Variants in RAPGEF4 observed in about 807,000 individuals in gnomAD.
RAPGEF4 encodes the protein Rap guanine nucleotide exchange factor 4.
A neutral mutation model predicts 147.9 loss-of-function variants in RAPGEF4; 66 were observed. That is an observed-to-expected ratio of 0.45 (90% CI 0.37 to 0.55). The LOEUF (loss-of-function observed/expected upper bound fraction) is 0.55. Among genes scored for constraint, RAPGEF4 ranks in the 20% least tolerant of loss-of-function variants. The pLI is 0.00. For missense variants in RAPGEF4, 1,071 were observed against 1,257.3 expected, an observed-to-expected ratio of 0.85 and a Z score of 2.24; for synonymous variants, 419 against 442.7, an observed-to-expected ratio of 0.95 and a Z score of 0.67.
chr2:172,934,502 C>A (rs1456108902), intron 6 of RAPGEF4, among the ~76,000 whole-genome samples: 2 of 152,060 alleles, frequency 1.3e-5, no homozygotes, highest in African/African-American at 4.8e-5. Context: ...CTACTGTGTG[C>A]CATGTAGGCT....
intron 12 of RAPGEF4, among the ~76,000 whole-genome samples, chr2:172,987,481 T>C (rs1692386038): frequency 6.6e-6 from 1 of 152,190 alleles, no homozygotes; most frequent in African/African-American, 2.4e-5. Context: ...GTTCCACGTT[T>C]ACGAATTCAA....
chr2:172,969,601 A>G (rs1690239611), intron 10 of RAPGEF4, among the ~76,000 whole-genome samples: 1 of 152,240 alleles, frequency 6.6e-6, no homozygotes, highest in Non-Finnish European at 1.5e-5. Context: ...GCTTCAAGGG[A>G]GGCAAAAATG....
At chr2:172,968,188 G>A (rs185033318) in intron 10 of RAPGEF4, among the ~76,000 whole-genome samples, 9 of 152,300 alleles carry the variant, frequency 5.9e-5, no homozygotes, top group Admixed American at 1.3e-4. Context: ...TTCAGTTAGC[G>A]GTGACTTGGC....
intron 4 of RAPGEF4, among the ~76,000 whole-genome samples, chr2:172,826,904 G>A (rs1283751403): frequency 2.6e-5 from 4 of 151,854 alleles, no homozygotes; most frequent in Non-Finnish European, 5.9e-5. Context: ...GCTTGAGGCT[G>A]CAGTGAGCCA....
At chr2:172,742,663 C>T (rs541286447) in intron 1 of RAPGEF4, among the ~76,000 whole-genome samples, 2 of 152,170 alleles carry the variant, frequency 1.3e-5, no homozygotes, top group African/African-American at 4.8e-5. Context: ...CATGGGAGCA[C>T]ATGACATATA....
At position 172,996,507 on chromosome 2, in the gene RAPGEF4, A is replaced by G. The variant is rs17857211; in HGVS notation, c.1532A>G (p.His511Arg). The change falls in exon 16 of 31, where the codon CAT (histidine) becomes CGT (arginine). Residue 511 changes from histidine to arginine, a missense_variant. Physicochemically the swap from His to Arg is conservative, Grantham distance 29 (BLOSUM62 0). Coordinates refer to ENST00000397081, the MANE Select transcript of RAPGEF4 (RefSeq NM_007023.4). ...GGAACACCTGAAAAAATTTTAGAGC[A>G]TTTTCTAGAAACAATACGCCTTGAG... Reference protein sequence around the residue: ...MSGTPEKILEHFLETIRLEAT... With the variant: ...MSGTPEKILERFLETIRLEAT... 1 of 1,582,816 alleles carries G rather than the reference A, an allele frequency of 6.3e-7. No individual in the cohort carries two copies. Among genetic ancestry groups the G allele is most frequent in the African/African-American group, 1.4e-5 (1 of 72,648 alleles).
chr2:172,815,687 A>G (rs535749851), intron 4 of RAPGEF4, among the ~76,000 whole-genome samples: 36 of 152,184 alleles, frequency 2.4e-4, no homozygotes, highest in Non-Finnish European at 4.3e-4. Flanking sequence ...CAGAACAAAA[A>G]TGATTTCTAA....
chr2:172,918,212 A>C (rs1299904159), intron 5 of RAPGEF4, among the ~76,000 whole-genome samples: 1 of 148,482 alleles, frequency 6.7e-6, no homozygotes, highest in Non-Finnish European at 1.5e-5. Context: ...TATTTGTTTC[A>C]GTCCCATCTG....
At chr2:172,806,169 A>T (rs867696522) in intron 3 of RAPGEF4, among the ~76,000 whole-genome samples, 2 of 152,072 alleles carry the variant, frequency 1.3e-5, no homozygotes, top group African/African-American at 4.8e-5. Context: ...CTAGATATAT[A>T]TAAGATTTTA....
chr2:173,027,708 G>A (rs1486986062), intron 25 of RAPGEF4, among the ~76,000 whole-genome samples: 3 of 152,214 alleles, frequency 2.0e-5, no homozygotes, highest in African/African-American at 7.2e-5. Context: ...TAAAATGCAT[G>A]CGAGCTAACC....
chr2:172,798,751 C>CTG (rs1431676859), intron 3 of RAPGEF4, among the ~76,000 whole-genome samples: 1 of 151,896 alleles, frequency 6.6e-6, no homozygotes, highest in East Asian at 1.9e-4. Flanking sequence ...GGGCAGTCAC[C>CTG]ATCTTAAAAA....
At chr2:172,952,466 A>G (rs1248592118) in intron 6 of RAPGEF4, among the ~76,000 whole-genome samples, 1 of 152,250 alleles carries the variant, frequency 6.6e-6, no homozygotes, top group African/African-American at 2.4e-5. Flanking sequence ...CATAGAAGTC[A>G]CAGTTGTAAG....
intron 3 of RAPGEF4, among the ~76,000 whole-genome samples, chr2:172,801,313 G>T (rs1448854644): frequency 6.6e-6 from 1 of 152,196 alleles, no homozygotes; most frequent in Non-Finnish European, 1.5e-5. Context: ...AGAGAAAAGA[G>T]GTGATGGCAC....
intron 21 of RAPGEF4, among the ~76,000 whole-genome samples, chr2:173,017,859 G>A (rs553720964): frequency 1.3e-5 from 2 of 152,254 alleles, no homozygotes; most frequent in South Asian, 4.1e-4. Flanking sequence ...TGGATCACCA[G>A]CATCCTGCCC....
Position 173,051,682 on chromosome 2 carries a change from G to A in RAPGEF4, c.2951G>A (p.Arg984Gln), listed in dbSNP as rs201906810. ...GCTAATAAGAACCATCAGGATGTCC[G>A]GAGTTATGTACGGCAATTAAATGTG... ...AQANKNHQDVRSYVRQLNVID... is the reference protein window; with the variant it reads ...AQANKNHQDVQSYVRQLNVID... The change falls in exon 31 of 31, where the codon CGG (arginine) becomes CAG (glutamine). Residue 984 changes from arginine to glutamine, a missense_variant. By Grantham distance (43) the Arg-to-Gln change is conservative. Transcript: ENST00000397081. 657 of 1,613,916 alleles carry A rather than the reference G, an allele frequency of 4.1e-4. No individual in the cohort carries two copies. The highest frequency in any genetic ancestry group is 4.8e-4 in the Non-Finnish European group (568 of 1,179,866).
intron 17 of RAPGEF4, among the ~76,000 whole-genome samples, chr2:173,011,676 T>C (rs1426378187): frequency 6.6e-6 from 1 of 152,202 alleles, no homozygotes; most frequent in Non-Finnish European, 1.5e-5. Context: ...GAACCTAGCA[T>C]GGTGCTTTAC....
rs181740762 is a variant in RAPGEF4, at chr2:173,041,373, A to G, written c.2853+4681A>G. On this transcript the variant is annotated intron_variant, in intron 29 of 30. Transcript: ENST00000397081. ...ACTTTGAGAGTTTACATCTTTGTAT[A>G]GATTTCCCAGGCCAGGCTAAATGCA... Among the ~76,000 whole-genome samples, 514 of 152,340 alleles carry G rather than the reference A, an allele frequency of 3.4e-3. 6 individuals carry two copies. Among genetic ancestry groups the G allele is most frequent in the African/African-American group, 0.012 (493 of 41,580 alleles).
intron 4 of RAPGEF4, among the ~76,000 whole-genome samples, chr2:172,906,775 G>T (rs1699673448): frequency 6.6e-6 from 1 of 152,132 alleles, no homozygotes; most frequent in African/African-American, 2.4e-5. Context: ...AGTCCTGCCT[G>T]CCAGGACCCT....
At chr2:173,001,201 A>T (rs1275174117) in intron 16 of RAPGEF4, 65 bp from the exon 17 acceptor site, 1 of 1,603,896 alleles carries the variant, frequency 6.2e-7, no homozygotes, top group East Asian at 2.2e-5. Flanking sequence ...GTGAATGGAT[A>T]CTCTTGCTTT....
Sources: allele counts gnomAD v4.1 joint callset (sites outside exome capture counted in the v4.1 genomes callset), GRCh38; gene constraint gnomAD v4.1.1; transcripts MANE v1.5; gene names NCBI Gene and HGNC (gene_info 2026-07-23, HGNC 2026-07-21).